The following IRAG2 variants were observed in gnomAD, a reference collection of about 807,000 sequenced individuals.
IRAG2 encodes inositol 1,4,5-triphosphate receptor associated 2.
In IRAG2, 45 loss-of-function variants were observed where a neutral mutation model predicts 69.9. The ratio of observed to expected loss-of-function variants is 0.64; its 90% CI spans 0.51 to 0.83. The LOEUF (loss-of-function observed/expected upper bound fraction) is 0.83. IRAG2 is among the 40% of genes least tolerant of loss of function. The probability of loss-of-function intolerance (pLI) is 0.00; values close to 1 mark genes in which losing one functional copy is unlikely to be tolerated. For synonymous variants in IRAG2, 193 were observed against 202.4 expected, an observed-to-expected ratio of 0.95 and a Z score of 0.40; for missense variants, 520 against 587.0, an observed-to-expected ratio of 0.89 and a Z score of 1.18.
upstream of IRAG2, among the ~76,000 whole-genome samples, chr12:25,001,754 C>T (rs1178821603): frequency 2.0e-5 from 3 of 150,394 alleles, no homozygotes; most frequent in Non-Finnish European, 3.0e-5. Context: ...ATGACAGATA[C>T]TTAACTACTC....
chr12:25,047,039 T>C (rs1944800558), intron 16 of IRAG2, among the ~76,000 whole-genome samples: 2 of 152,138 alleles, frequency 1.3e-5, no homozygotes, highest in Admixed American at 6.6e-5. Flanking sequence ...AGATGGTCAA[T>C]TGATCTTCAA....
chr12:25,032,438 G>A (rs944946534), intron 12 of IRAG2: 41 of 398,640 alleles, frequency 1.0e-4, no homozygotes, highest in African/African-American at 6.8e-4. Context: ...GCCCAATTGA[G>A]CTTTGTATGT....
intron 6 of IRAG2, chr12:25,076,675 T>G: frequency 6.6e-6 from 6 of 907,376 alleles, no homozygotes; most frequent in Non-Finnish European, 7.9e-6. Flanking sequence ...AAGTGTGTAG[T>G]GTTTTTTAGT....
At chr12:25,055,912 C>T (rs543661500) in intron 1 of IRAG2, among the ~76,000 whole-genome samples, 175 of 152,186 alleles carry the variant, frequency 1.1e-3, no homozygotes, top group Non-Finnish European at 2.2e-3. Context: ...TATTCACCAT[C>T]TCTTGTTCCC....
chr12:25,001,865 G>A (rs528809240), upstream of IRAG2, among the ~76,000 whole-genome samples: 1 of 151,882 alleles, frequency 6.6e-6, no homozygotes, highest in African/African-American at 2.4e-5. Flanking sequence ...TGCCTCCTGG[G>A]TTCAAGCAAT....
intron 21 of IRAG2, 75 bp from the exon 22 acceptor site, chr12:25,107,742 T>G (rs1949299833): frequency 1.4e-6 from 2 of 1,408,484 alleles, no homozygotes; most frequent in Non-Finnish European, 2.0e-6. Context: ...ATCACCTGAC[T>G]GGTGGTGTTA....
intron 16 of IRAG2, among the ~76,000 whole-genome samples, chr12:25,038,475 T>A (rs1944721475): frequency 6.6e-6 from 1 of 152,046 alleles, no homozygotes; most frequent in Non-Finnish European, 1.5e-5. Flanking sequence ...AAACCCTGTC[T>A]CTACTAAAAA....
intron 6 of IRAG2, among the ~76,000 whole-genome samples, chr12:25,018,049 C>T (rs927823559): frequency 2.0e-5 from 3 of 152,094 alleles, no homozygotes; most frequent in Admixed American, 1.3e-4. Context: ...GAATAATATT[C>T]AGTTGCATAG....
intron 3 of IRAG2, chr12:25,015,088 G>GAAAAAAAAAAAAAAAAAAAAAAAAAAAAA: frequency 2.6e-4 from 13 of 50,222 alleles, no homozygotes; most frequent in East Asian, 7.8e-4. Flanking sequence ...GCATAAATCT[G>GAAAAAAAAAAAAAAAAAAAAAAAAAAAAA]AAAAAAAAAA....
intron 14 of IRAG2, chr12:25,093,910 C>G (rs1162211631): frequency 7.3e-6 from 1 of 136,658 alleles, no homozygotes; most frequent in African/African-American, 2.5e-5. Context: ...TCAGGCCACT[C>G]TCTTTCCATT....
At chr12:25,027,398 C>T (rs73078104) in intron 9 of IRAG2, among the ~76,000 whole-genome samples, 32,536 of 128,016 alleles carry the variant, frequency 0.25, 4,017 homozygotes, top group Admixed American at 0.42. Flanking sequence ...CTTTTTTTTT[C>T]TTTTTTTTTT....
intron 11 of IRAG2, among the ~76,000 whole-genome samples, chr12:25,088,909 T>A (rs1592062751): frequency 6.6e-6 from 1 of 151,508 alleles, no homozygotes; most frequent in South Asian, 2.1e-4. Context: ...GTTACTATTA[T>A]AAAAAAATCA....
chr12:25,101,423 G>A, intron 16 of IRAG2, 98 bp downstream of exon 16: 6 of 792,218 alleles, frequency 7.6e-6, no homozygotes, highest in East Asian at 3.1e-5. Context: ...AAAACTCTTA[G>A]GTTAACTTTA....
chr12:25,107,777 A>T (rs913206313), intron 21 of IRAG2, 40 bp from the exon 22 acceptor site: 5 of 1,592,674 alleles, frequency 3.1e-6, no homozygotes, highest in Non-Finnish European at 4.3e-6. Flanking sequence ...TCTAATGACA[A>T]ATTACCGATT....
At chr12:25,048,593 G>A (rs974950829), upstream of IRAG2, among the ~76,000 whole-genome samples, 1 of 152,096 alleles carries the variant, frequency 6.6e-6, no homozygotes, top group Non-Finnish European at 1.5e-5. Context: ...CACTGAGCCT[G>A]GCTTGACCAC....
At chr12:25,105,374 C>T (rs1592115954) in intron 20 of IRAG2, among the ~76,000 whole-genome samples, 1 of 152,082 alleles carries the variant, frequency 6.6e-6, no homozygotes, top group South Asian at 2.1e-4. Context: ...CTGCGCCCGG[C>T]CTTCAGTTTT....
chr12:25,088,822 G>T (rs1947826530), intron 11 of IRAG2, among the ~76,000 whole-genome samples: 1 of 152,090 alleles, frequency 6.6e-6, no homozygotes. Flanking sequence ...TACAACAGAA[G>T]GTTTGCTGTG....
chr12:25,025,464 A>C (rs1555126466), intron 8 of IRAG2, among the ~76,000 whole-genome samples: 4 of 152,370 alleles, frequency 2.6e-5, no homozygotes, highest in Non-Finnish European at 1.5e-5. Flanking sequence ...TCCAGACACA[A>C]GGGGCTTACA....
At chr12:25,078,901 T>A (rs1002025452) in intron 6 of IRAG2, among the ~76,000 whole-genome samples, 5 of 152,372 alleles carry the variant, frequency 3.3e-5, no homozygotes, top group Non-Finnish European at 5.9e-5. Context: ...TGTTGTTTCA[T>A]GCCCTTGTAG....
Sources: allele counts gnomAD v4.1 joint callset (sites outside exome capture counted in the v4.1 genomes callset), GRCh38; gene constraint gnomAD v4.1.1; transcripts MANE v1.5; gene names NCBI Gene and HGNC (gene_info 2026-07-23, HGNC 2026-07-21).